TMEM144: variants seen among roughly 807,000 people sequenced by gnomAD.
The protein encoded by TMEM144 is transmembrane protein 144.
Under a neutral mutation model 43.6 loss-of-function variants are expected in TMEM144, and 39 were observed. That is an observed-to-expected ratio of 0.90 (90% CI 0.69 to 1.17). The LOEUF (loss-of-function observed/expected upper bound fraction) is 1.17. Among genes scored for constraint, TMEM144 ranks in the 50% most tolerant of loss-of-function variants. TMEM144 has a pLI of 0.00. For synonymous variants in TMEM144, 154 were observed against 133.6 expected, an observed-to-expected ratio of 1.15 and a Z score of -1.06; for missense variants, 417 against 411.9, an observed-to-expected ratio of 1.01 and a Z score of -0.11.
At chr4:158,215,020 C>A (rs546449380) in intron 3 of TMEM144, among the ~76,000 whole-genome samples, 171 bp from the exon 4 acceptor site, 21 of 152,260 alleles carry the variant, frequency 1.4e-4, no homozygotes, top group Non-Finnish European at 2.4e-4. Context: ...TATCTTTGAG[C>A]TAGGGTTAAT....
rs1335147067 is a variant in TMEM144, at chr4:158,240,289, C to G, written c.683-10C>G. ...AATGGTGTTTGAGAGTTTTTAATGT[C>G]TATTTTCAGATTTAGACTATGTGTT... On this transcript the variant is annotated splice_polypyrimidine_tract_variant and intron_variant, in intron 9 of 12. Transcript: ENST00000296529. The G allele has an allele frequency of 6.3e-7, 1 of 1,597,518 alleles. No homozygotes were observed. Among genetic ancestry groups the G allele is most frequent in the South Asian group, 1.1e-5 (1 of 87,536 alleles).
chr4:158,235,715 A>G, intron 8 of TMEM144: 1 of 428,930 alleles, frequency 2.3e-6, no homozygotes, highest in South Asian at 5.9e-5. Context: ...TAATTACTAA[A>G]TCATTGCATT....
rs370454699 is a variant in TMEM144, at chr4:158,240,306, CTA to C, written c.692_693del (p.Tyr231CysfsTer26). The C allele has an allele frequency of 2.5e-6, 4 of 1,610,606 alleles. No individual in the cohort carries two copies. In the African/African-American group the frequency reaches 5.3e-5, roughly 22 times the overall value. ...YAGASQYDLD[Y>X]VFAHFSGIFL... ...TTTAATGTCTATTTTCAGATTTAGA[CTA>C]TGTGTTTGCGCACTTCAGTGGCATC... On this transcript the variant is annotated frameshift_variant, in exon 10 of 13. Transcript: ENST00000296529. LOFTEE classifies it high-confidence loss of function.
chr4:158,252,032 T>C lies in TMEM144; in HGVS notation c.955-1412T>C, dbSNP rs148659871. Reference sequence around the variant, plus strand: ...TCCATATGAAAAATGGTCAAAGAGCTAAAATACTGACCAGGAAAAGAGATG... The same window carrying C: ...TCCATATGAAAAATGGTCAAAGAGCCAAAATACTGACCAGGAAAAGAGATG... On this transcript the variant is annotated intron_variant, in intron 12 of 12. Transcript: ENST00000296529. 3.0e-4 allele frequency among the ~76,000 whole-genome samples: 46 copies of C among 152,280 alleles called. No individual in the cohort carries two copies. In the East Asian group the frequency reaches 7.3e-3, roughly 24 times the overall value.
At chr4:158,249,700 T>C (rs953023328) in intron 12 of TMEM144, among the ~76,000 whole-genome samples, 4 of 152,258 alleles carry the variant, frequency 2.6e-5, no homozygotes. Flanking sequence ...AGACCCATTT[T>C]TTAATTTAAG....
chr4:158,219,460 A>G (rs1734405318), intron 6 of TMEM144, 70 bp downstream of exon 6: 2 of 1,403,120 alleles, frequency 1.4e-6, no homozygotes, highest in African/African-American at 2.8e-5. Context: ...GGATCCTGCT[A>G]TGTTTACATT....
intron 4 of TMEM144, among the ~76,000 whole-genome samples, chr4:158,216,875 A>C (rs1734249156): frequency 6.6e-6 from 1 of 151,926 alleles, no homozygotes; most frequent in African/African-American, 2.4e-5. Flanking sequence ...CCCTCAAAAC[A>C]TAAGAGAATG....
chr4:158,224,803 A>T (rs962319875), intron 6 of TMEM144, among the ~76,000 whole-genome samples: 2 of 152,102 alleles, frequency 1.3e-5, no homozygotes, highest in African/African-American at 4.8e-5. Context: ...TCTTCTTCAG[A>T]GTCACTTTGC....
Position 158,218,092 on chromosome 4 carries a change from G to A in TMEM144, c.332+672G>A, listed in dbSNP as rs1456852066. Among the ~76,000 whole-genome samples, 6 of 152,106 alleles carry A rather than the reference G, an allele frequency of 3.9e-5. 1 individual carries two copies. The highest frequency in any genetic ancestry group is 3.8e-4 in the East Asian group (2 of 5,198). On this transcript the variant is annotated intron_variant, in intron 5 of 12. Transcript: ENST00000296529. ...AAAGTTTGCCAGTCCCAGCTCTAGC[G>A]TTGTGTTGTCCAATAGTGTAGCCAG...
chr4:158,218,593 GA>G (rs142107422), intron 5 of TMEM144, among the ~76,000 whole-genome samples: 41,651 of 150,842 alleles, frequency 0.28, 6,186 homozygotes, highest in African/African-American at 0.38. Context: ...TGTCAGGCAG[GA>G]AAAAAAAATT....
At chr4:158,251,308 G>C (rs1171368691) in intron 12 of TMEM144, among the ~76,000 whole-genome samples, 3 of 152,184 alleles carry the variant, frequency 2.0e-5, no homozygotes, top group Admixed American at 6.5e-5. Context: ...CAGGCAGCCA[G>C]AGATTGCCAT....
intron 6 of TMEM144, among the ~76,000 whole-genome samples, chr4:158,224,983 T>C (rs925250965): frequency 6.6e-6 from 1 of 152,218 alleles, no homozygotes; most frequent in Admixed American, 6.5e-5. Context: ...CAGGGTGTTG[T>C]AAACTTCAAT....
chr4:158,228,038 A>G (rs951481359), intron 6 of TMEM144, among the ~76,000 whole-genome samples: 1 of 152,196 alleles, frequency 6.6e-6, no homozygotes, highest in African/African-American at 2.4e-5. Context: ...ACACTTTTGC[A>G]GTTTACACCA....
intron 6 of TMEM144, among the ~76,000 whole-genome samples, chr4:158,222,926 A>T (rs965302252): frequency 6.6e-6 from 1 of 152,214 alleles, no homozygotes; most frequent in Non-Finnish European, 1.5e-5. Flanking sequence ...CATAGACTTT[A>T]TCATGGAACT....
intron 12 of TMEM144, among the ~76,000 whole-genome samples, chr4:158,245,803 T>G (rs1735865039): frequency 2.0e-5 from 3 of 152,022 alleles, no homozygotes; most frequent in Admixed American, 2.0e-4. Flanking sequence ...TGAGGAACAC[T>G]TGTAGTCACA....
intron 11 of TMEM144, among the ~76,000 whole-genome samples, chr4:158,242,937 T>C (rs1266923662): frequency 2.0e-5 from 3 of 152,202 alleles, no homozygotes; most frequent in Non-Finnish European, 4.4e-5. Context: ...GTACATACTT[T>C]GACCTATGCT....
At chr4:158,245,171 G>T (rs1180070730) in intron 12 of TMEM144, among the ~76,000 whole-genome samples, 1 of 150,982 alleles carries the variant, frequency 6.6e-6, no homozygotes, top group Non-Finnish European at 1.5e-5. Flanking sequence ...AAATGTAAAT[G>T]ATGGGAATTT....
intron 12 of TMEM144, among the ~76,000 whole-genome samples, chr4:158,252,198 C>T (rs1736240497): frequency 2.0e-5 from 3 of 152,134 alleles, no homozygotes; most frequent in Admixed American, 6.5e-5. Context: ...GAAGATATTT[C>T]GTTGTTAATT....
chr4:158,240,266 T>C, intron 9 of TMEM144, 33 bp from the exon 10 acceptor site: 11 of 1,584,706 alleles, frequency 6.9e-6, no homozygotes, highest in Non-Finnish European at 9.4e-6. Context: ...ATGATTAAAA[T>C]GGTGTTTGAG....
Sources: allele counts gnomAD v4.1 joint callset (sites outside exome capture counted in the v4.1 genomes callset), GRCh38; gene constraint gnomAD v4.1.1; transcripts MANE v1.5; gene names NCBI Gene and HGNC (gene_info 2026-07-23, HGNC 2026-07-21).